ATRNL1: variants seen among roughly 807,000 people sequenced by gnomAD.
ATRNL1 encodes attractin like 1, also known as attractin-like protein 1.
Under a neutral mutation model 182.7 loss-of-function variants are expected in ATRNL1, and 95 were observed. The ratio of observed to expected loss-of-function variants is 0.52; its 90% confidence interval spans 0.44 to 0.62. ATRNL1 has a LOEUF of 0.62. Ranked by LOEUF, ATRNL1 falls within the 20% of genes least tolerant of loss-of-function variation. The pLI is 0.00. For missense variants in ATRNL1, 1,471 were observed against 1,679.5 expected (o/e 0.88, Z 2.17); for synonymous variants, 576 against 568.3 (o/e 1.01, Z -0.19).
At chr10:115,207,661 C>T (rs1294416442) in intron 8 of ATRNL1, among the ~76,000 whole-genome samples, 2 of 151,846 alleles carry the variant, frequency 1.3e-5, no homozygotes, top group African/African-American at 2.4e-5. Flanking sequence ...TATGGGTTGG[C>T]AGTTCCTCCC....
At chr10:115,537,772 C>T (rs1852121934) in intron 25 of ATRNL1, among the ~76,000 whole-genome samples, 2 of 151,900 alleles carry the variant, frequency 1.3e-5, no homozygotes, top group Admixed American at 1.3e-4. Flanking sequence ...GCGGGGAGTA[C>T]AGTTGTGTGA....
chr10:115,626,783 G>T (rs1252863096), intron 26 of ATRNL1, among the ~76,000 whole-genome samples: 1 of 151,982 alleles, frequency 6.6e-6, no homozygotes, highest in African/African-American at 2.4e-5. Flanking sequence ...TCAAACTCAA[G>T]TTATTGTATT....
intron 27 of ATRNL1, among the ~76,000 whole-genome samples, chr10:115,761,952 C>A (rs2960713): frequency 0.95 from 144,680 of 152,236 alleles, 69,164 homozygotes; most frequent in East Asian, 1. Context: ...AGGAAGCTTA[C>A]CCACAAGGGC....
At chr10:115,331,226 AT>A (rs1203217327) in intron 18 of ATRNL1, among the ~76,000 whole-genome samples, 1 of 151,702 alleles carries the variant, frequency 6.6e-6, no homozygotes. Flanking sequence ...AGCCTGGCTA[AT>A]TTTTTTGTAT....
intron 19 of ATRNL1, among the ~76,000 whole-genome samples, chr10:115,376,300 T>A (rs964795846): frequency 2.0e-5 from 3 of 152,126 alleles, no homozygotes; most frequent in Non-Finnish European, 4.4e-5. Flanking sequence ...ATTTATTTAT[T>A]TATTTTTGAG....
intron 28 of ATRNL1, among the ~76,000 whole-genome samples, chr10:115,887,379 TC>T (rs1638721644): frequency 6.6e-6 from 1 of 152,188 alleles, no homozygotes; most frequent in South Asian, 2.1e-4. Context: ...AAGTGCAAGA[TC>T]AAGGCACCAG....
chr10:115,235,526 T>G (rs1850145671), intron 9 of ATRNL1, among the ~76,000 whole-genome samples: 1 of 152,174 alleles, frequency 6.6e-6, no homozygotes, highest in Non-Finnish European at 1.5e-5. Context: ...TGTAATTTTT[T>G]TTTTCCAGAG....
intron 1 of ATRNL1, 69 bp downstream of exon 1, chr10:115,094,112 C>G (rs1431525243): frequency 2.3e-6 from 3 of 1,283,694 alleles, no homozygotes; most frequent in African/African-American, 1.5e-5. Context: ...CCCCGCCCCC[C>G]TCGCGGCCTC....
At chr10:115,220,733 G>GC (rs1189042574) in intron 9 of ATRNL1, among the ~76,000 whole-genome samples, 7 of 94,380 alleles carry the variant, frequency 7.4e-5, no homozygotes, top group Non-Finnish European at 1.3e-4. Flanking sequence ...ATGGGGGGGG[G>GC]GGGGCGGGGT....
At chr10:115,530,170 A>C (rs555848806) in intron 25 of ATRNL1, among the ~76,000 whole-genome samples, 1 of 152,294 alleles carries the variant, frequency 6.6e-6, no homozygotes, top group South Asian at 2.1e-4. Context: ...GTTGTGAATA[A>C]TACTACTATG....
chr10:115,577,971 T>C (rs1033078700), intron 26 of ATRNL1, among the ~76,000 whole-genome samples: 1 of 151,812 alleles, frequency 6.6e-6, no homozygotes, highest in East Asian at 1.9e-4. Context: ...GAACAGATAC[T>C]GAACTTTGTC....
At chr10:115,893,362 T>C (rs920806098) in intron 28 of ATRNL1, among the ~76,000 whole-genome samples, 2 of 152,142 alleles carry the variant, frequency 1.3e-5, no homozygotes, top group African/African-American at 4.8e-5. Context: ...AGTAAGGTGT[T>C]TAATGAGTAT....
intron 28 of ATRNL1, among the ~76,000 whole-genome samples, chr10:115,920,621 A>G (rs1257268012): frequency 5.3e-5 from 8 of 152,212 alleles, no homozygotes; most frequent in African/African-American, 1.7e-4. Context: ...TAAGAAGAGG[A>G]GCCCAAAAGT....
chr10:115,688,997 G>C (rs936963584), intron 26 of ATRNL1, among the ~76,000 whole-genome samples: 2 of 152,034 alleles, frequency 1.3e-5, no homozygotes, highest in East Asian at 3.9e-4. Context: ...ATAGGGGTCC[G>C]AGTTTCATTC....
intron 26 of ATRNL1, among the ~76,000 whole-genome samples, chr10:115,661,599 T>C (rs1860688168): frequency 6.6e-6 from 1 of 152,106 alleles, no homozygotes; most frequent in Admixed American, 6.6e-5. Flanking sequence ...TCTTTTTTAT[T>C]GATTGATTAT....
chr10:115,227,137 G>T (rs1419766893), intron 9 of ATRNL1, among the ~76,000 whole-genome samples: 2 of 152,034 alleles, frequency 1.3e-5, no homozygotes, highest in Admixed American at 1.3e-4. Flanking sequence ...CAAACAGACA[G>T]CCTACAAAAT....
At chr10:115,448,888 C>G (rs1847146509) in intron 21 of ATRNL1, among the ~76,000 whole-genome samples, 1 of 152,060 alleles carries the variant, frequency 6.6e-6, no homozygotes, top group South Asian at 2.1e-4. Flanking sequence ...ACAACAACAA[C>G]AACAAGCATA....
At chr10:115,848,245 G>A (rs1555099528) in intron 28 of ATRNL1, among the ~76,000 whole-genome samples, 4 of 152,116 alleles carry the variant, frequency 2.6e-5, no homozygotes, top group Non-Finnish European at 5.9e-5. Context: ...ACACATGTAT[G>A]TATGTTCCCA....
intron 7 of ATRNL1, among the ~76,000 whole-genome samples, chr10:115,167,638 T>C (rs1469146862): frequency 6.6e-6 from 1 of 152,080 alleles, no homozygotes; most frequent in Admixed American, 6.6e-5. Flanking sequence ...TAAAAAAAAT[T>C]GGAAAGCATG....
Sources: gnomAD v4.1 joint callset for allele counts (sites outside exome capture counted in the v4.1 genomes callset) on GRCh38, gnomAD v4.1.1 for gene constraint, MANE v1.5 for transcripts, NCBI Gene and HGNC (gene_info 2026-07-23, HGNC 2026-07-21) for gene names.